The following KIF16B variants were observed in gnomAD, a reference collection of about 807,000 sequenced individuals.
KIF16B encodes the protein kinesin family member 16B.
A neutral mutation model predicts 156.3 loss-of-function variants in KIF16B; 98 were observed. That is an observed-to-expected ratio of 0.63 (90% CI 0.53 to 0.74). KIF16B has a LOEUF of 0.74. KIF16B is among the 30% of genes least tolerant of loss of function. The pLI is 0.00. For missense variants in KIF16B, 1,421 were observed against 1,606.5 expected (o/e 0.88, Z 1.97); for synonymous variants, 564 against 583.7 (o/e 0.97, Z 0.49).
chr20:16,557,158 TAC>T (rs74175699), intron 1 of KIF16B, among the ~76,000 whole-genome samples: 7 of 147,262 alleles, frequency 4.8e-5, no homozygotes, highest in East Asian at 2.0e-4. Flanking sequence ...TATATATATA[TAC>T]ACACACACAC....
chr20:16,374,609 C>T (rs2876427), intron 19 of KIF16B, among the ~76,000 whole-genome samples, 200 bp from the exon 20 acceptor site: 70,016 of 151,874 alleles, frequency 0.46, 16,806 homozygotes, highest in African/African-American at 0.61. Flanking sequence ...GGGTCCAGGA[C>T]GAGCACTGCA....
At chr20:16,535,632 T>A (rs530369907) in intron 1 of KIF16B, among the ~76,000 whole-genome samples, 2 of 152,152 alleles carry the variant, frequency 1.3e-5, no homozygotes, top group Non-Finnish European at 2.9e-5. Flanking sequence ...GGGTTTGTCA[T>A]ATATAGTCTT....
chr20:16,382,381 T>C (rs149363874), intron 17 of KIF16B, among the ~76,000 whole-genome samples: 97 of 152,326 alleles, frequency 6.4e-4, no homozygotes, highest in Non-Finnish European at 1.2e-3. Context: ...ATCATAATCA[T>C]AGAAAATAAC....
At chr20:16,388,078 G>C (rs1200354967) in intron 17 of KIF16B, among the ~76,000 whole-genome samples, 1 of 152,112 alleles carries the variant, frequency 6.6e-6, no homozygotes, top group East Asian at 1.9e-4. Context: ...TCTACTGAAA[G>C]CAAAATGCCT....
At chr20:16,299,223 CGTGT>C (rs142284610) in intron 25 of KIF16B, among the ~76,000 whole-genome samples, 6 of 151,472 alleles carry the variant, frequency 4.0e-5, no homozygotes, top group Admixed American at 2.6e-4. Flanking sequence ...CCCATGTGTG[CGTGT>C]GTGTGTGTAT....
Position 16,273,461 on chromosome 20 carries a change from G to A in KIF16B, c.3796-50C>T, listed in dbSNP as rs201361348. The A allele has an allele frequency of 2.1e-4, 322 of 1,538,174 alleles. 2 individuals are homozygous for A. The Admixed American group carries it at 4.1e-3, about 19-fold the overall frequency. On this transcript the variant is annotated intron_variant, in intron 25 of 25. Coordinates refer to ENST00000354981, the MANE Select transcript of KIF16B (RefSeq NM_024704.5). ...ACATGGTCAATTGGGAGGTCAAGGC[G>A]GGTGGGATCGCTTGAGCTCAGGAGT...
intron 1 of KIF16B, among the ~76,000 whole-genome samples, chr20:16,549,609 A>G (rs13045758): frequency 6.6e-6 from 1 of 152,128 alleles, no homozygotes; most frequent in Non-Finnish European, 1.5e-5. Flanking sequence ...CTACAAGGCT[A>G]CAGTAACCAA....
At chr20:16,345,523 G>A (rs756870923) in intron 23 of KIF16B, among the ~76,000 whole-genome samples, 3 of 152,206 alleles carry the variant, frequency 2.0e-5, no homozygotes, top group Non-Finnish European at 4.4e-5. Context: ...ATTACGGGAC[G>A]TAAGAGGGCA....
chr20:16,315,565 T>C (rs1185470747), intron 24 of KIF16B, among the ~76,000 whole-genome samples: 2 of 152,226 alleles, frequency 1.3e-5, no homozygotes, highest in Non-Finnish European at 1.5e-5. Context: ...AACATGAACA[T>C]ACCACTCCAA....
intron 24 of KIF16B, among the ~76,000 whole-genome samples, chr20:16,331,666 G>T (rs2063950542): frequency 6.6e-6 from 1 of 152,150 alleles, no homozygotes; most frequent in South Asian, 2.1e-4. Flanking sequence ...TCTGGTGAAG[G>T]AGCGAAGTAA....
intron 12 of KIF16B, among the ~76,000 whole-genome samples, chr20:16,466,465 A>C (rs2067493587): frequency 6.6e-6 from 1 of 152,212 alleles, no homozygotes. Context: ...AGGTAACTGA[A>C]TCACAAGGGT....
At chr20:16,437,988 AT>A (rs67033467) in intron 12 of KIF16B, among the ~76,000 whole-genome samples, 34,481 of 138,470 alleles carry the variant, frequency 0.25, 4,191 homozygotes, top group South Asian at 0.33. Flanking sequence ...AAAAAAAATA[AT>A]AAAAAAAAAA....
At chr20:16,335,888 G>C (rs769429477) in intron 24 of KIF16B, 38 bp downstream of exon 24, 3 of 1,246,156 alleles carry the variant, frequency 2.4e-6, no homozygotes, top group Non-Finnish European at 3.5e-6. Flanking sequence ...TTTATAAAAT[G>C]AATGCTCTTA....
chr20:16,367,081 T>C (rs2123252292), intron 22 of KIF16B: 1 of 1,470,386 alleles, frequency 6.8e-7, no homozygotes, highest in Non-Finnish European at 9.0e-7. Flanking sequence ...CCTTGACTGT[T>C]TTCACAATGC....
intron 22 of KIF16B, chr20:16,368,792 G>A (rs779170705): frequency 1.3e-4 from 130 of 985,702 alleles, no homozygotes; most frequent in Non-Finnish European, 1.6e-4. Context: ...ACCTTGCCTT[G>A]CCTGGCCTGC....
chr20:16,336,310 T>C (rs1314702534), intron 23 of KIF16B, among the ~76,000 whole-genome samples: 1 of 152,154 alleles, frequency 6.6e-6, no homozygotes, highest in African/African-American at 2.4e-5. Context: ...AGAAACACTT[T>C]TAAAGAAGAG....
At chr20:16,525,720 C>T (rs911529445) in intron 3 of KIF16B, among the ~76,000 whole-genome samples, 5 of 152,198 alleles carry the variant, frequency 3.3e-5, no homozygotes, top group African/African-American at 1.2e-4. Flanking sequence ...CCTAAATCTC[C>T]GCACTGAATA....
chr20:16,397,021 A>T (rs2065524281), intron 17 of KIF16B, among the ~76,000 whole-genome samples: 1 of 152,166 alleles, frequency 6.6e-6, no homozygotes, highest in Non-Finnish European at 1.5e-5. Flanking sequence ...AAATTCTTTT[A>T]TTTTCAAGAC....
chr20:16,367,166 A>C, intron 22 of KIF16B: 1 of 1,601,574 alleles, frequency 6.2e-7, no homozygotes, highest in Non-Finnish European at 8.5e-7. Context: ...GTCAAATGTG[A>C]GATTAGCCAA....
Sources: allele counts gnomAD v4.1 joint callset (sites outside exome capture counted in the v4.1 genomes callset), GRCh38; gene constraint gnomAD v4.1.1; transcripts MANE v1.5; gene names NCBI Gene and HGNC (gene_info 2026-07-23, HGNC 2026-07-21).